The following RAMP1 variants were observed in gnomAD, a reference collection of about 807,000 sequenced individuals.
RAMP1 encodes receptor activity modifying protein 1.
In RAMP1, 7 loss-of-function variants were observed where a neutral mutation model predicts 8.2. The ratio of observed to expected loss-of-function variants is 0.85; its 90% confidence interval spans 0.49 to 1.60. The LOEUF (loss-of-function observed/expected upper bound fraction) is 1.60, where lower values mean the gene tolerates loss of function less well. Ranked by LOEUF, RAMP1 falls within the 40% of genes most tolerant of loss-of-function variation. The pLI is 0.00. For synonymous variants in RAMP1, 92 were observed against 84.7 expected (o/e 1.09, Z -0.47); for missense variants, 192 against 202.4 (o/e 0.95, Z 0.31).
intron 2 of RAMP1, 45 bp from the exon 3 acceptor site, chr2:237,911,483 T>TC: frequency 6.2e-7 from 1 of 1,603,058 alleles, no homozygotes; most frequent in Non-Finnish European, 8.5e-7. Flanking sequence ...CCGCGTTGGA[T>TC]CCCCCGCCTG....
intron 2 of RAMP1, among the ~76,000 whole-genome samples, chr2:237,880,990 C>T (rs2062363463): frequency 1.3e-5 from 2 of 152,202 alleles, no homozygotes; most frequent in South Asian, 2.1e-4. Context: ...TGTCCCTCCT[C>T]CTCCTGCCCC....
At chr2:237,907,824 A>G (rs2062668194) in intron 2 of RAMP1, among the ~76,000 whole-genome samples, 1 of 152,166 alleles carries the variant, frequency 6.6e-6, no homozygotes, top group South Asian at 2.1e-4. Flanking sequence ...CCTCTTGACA[A>G]TGGGTTGGTT....
intron 2 of RAMP1, among the ~76,000 whole-genome samples, chr2:237,886,841 A>C (rs1020839798): frequency 5.3e-5 from 8 of 152,224 alleles, no homozygotes; most frequent in Non-Finnish European, 1.5e-5. Context: ...CGGTGACGCT[A>C]ACCAGATCCC....
chr2:237,866,120 C>T (rs577592376), intron 1 of RAMP1, among the ~76,000 whole-genome samples: 1 of 152,202 alleles, frequency 6.6e-6, no homozygotes, highest in East Asian at 1.9e-4. Flanking sequence ...ACCACCGGCT[C>T]GAGAAACAGC....
intron 2 of RAMP1, among the ~76,000 whole-genome samples, chr2:237,893,628 C>G (rs1386722750): frequency 6.6e-6 from 1 of 152,164 alleles, no homozygotes; most frequent in Non-Finnish European, 1.5e-5. Context: ...AATACAAATT[C>G]TGCTTTTTAC....
At chr2:237,863,597 G>A (rs2062152134) in intron 1 of RAMP1, among the ~76,000 whole-genome samples, 1 of 152,138 alleles carries the variant, frequency 6.6e-6, no homozygotes, top group Non-Finnish European at 1.5e-5. Flanking sequence ...TTCCTAAGAT[G>A]GTTTATTTCA....
In RAMP1 at chr2:237,877,631, C is replaced by T. The variant is rs557288830; in HGVS notation, c.191+269C>T. Reference sequence around the variant, plus strand: ...GGCCATGTCCAGCCAGAGATGCCCGCGGCCTCTCCAAGGGCAGGCGCCTGG... The same window carrying T: ...GGCCATGTCCAGCCAGAGATGCCCGTGGCCTCTCCAAGGGCAGGCGCCTGG... On this transcript the variant is annotated intron_variant, in intron 2 of 2. Transcript: ENST00000254661. The surrounding 1 kb of genome is among the most constrained non-coding windows in gnomAD (Gnocchi z 4.4). Among the ~76,000 whole-genome samples, 77 of 152,280 alleles carry T rather than the reference C, an allele frequency of 5.1e-4. No individual in the cohort carries two copies. The highest frequency in any genetic ancestry group is 4.6e-3 in the Admixed American group (71 of 15,306).
chr2:237,909,985 C>T (rs1197859219), intron 2 of RAMP1, among the ~76,000 whole-genome samples: 1 of 152,120 alleles, frequency 6.6e-6, no homozygotes, highest in Non-Finnish European at 1.5e-5. Context: ...CACCCTCTGC[C>T]CGTGCCGCCC....
At chr2:237,858,886 T>C (rs938706626), upstream of RAMP1, 37 of 152,584 alleles carry the variant, frequency 2.4e-4, no homozygotes, top group African/African-American at 8.2e-4. The surrounding 1 kb of genome is among the most constrained non-coding windows in gnomAD (Gnocchi z 4.4). Context: ...CCCCATCAGT[T>C]TTCCATGCAG....
At chr2:237,904,571 G>A (rs1026760172) in intron 2 of RAMP1, among the ~76,000 whole-genome samples, 2 of 152,206 alleles carry the variant, frequency 1.3e-5, no homozygotes, top group African/African-American at 4.8e-5. Context: ...TCGTGCCACT[G>A]CACTCCAGCC....
In RAMP1 at chr2:237,877,632, G is replaced by A. The variant is rs957096428; in HGVS notation, c.191+270G>A. 3.3e-5 allele frequency among the ~76,000 whole-genome samples: 5 copies of A among 152,138 alleles called. No individual in the cohort carries two copies. Among genetic ancestry groups the A allele is most frequent in the Admixed American group, 1.3e-4 (2 of 15,280 alleles). ...GCCATGTCCAGCCAGAGATGCCCGC[G>A]GCCTCTCCAAGGGCAGGCGCCTGGG... On this transcript the variant is annotated intron_variant, in intron 2 of 2. Transcript: ENST00000254661. This position sits in a 1 kb window ranked among gnomAD's most constrained non-coding sequence, Gnocchi z 4.4.
chr2:237,879,777 G>A (rs1056480448), intron 2 of RAMP1, among the ~76,000 whole-genome samples: 1 of 148,916 alleles, frequency 6.7e-6, no homozygotes, highest in Admixed American at 6.7e-5. Flanking sequence ...ATCAACTGAG[G>A]TCAGGAGTTC....
chr2:237,875,466 G>A (rs2062293068), intron 1 of RAMP1, among the ~76,000 whole-genome samples: 2 of 151,954 alleles, frequency 1.3e-5, no homozygotes, highest in Admixed American at 1.3e-4. Context: ...CTCCAATGCT[G>A]GGCACTCATG....
intron 2 of RAMP1, among the ~76,000 whole-genome samples, chr2:237,881,363 C>G (rs2062366051): frequency 6.6e-6 from 1 of 152,232 alleles, no homozygotes; most frequent in Non-Finnish European, 1.5e-5. Flanking sequence ...CAGTATTTTC[C>G]CATTTCAGCA....
chr2:237,900,187 T>G (rs1395766199), intron 2 of RAMP1, among the ~76,000 whole-genome samples: 1 of 152,212 alleles, frequency 6.6e-6, no homozygotes, highest in Non-Finnish European at 1.5e-5. Context: ...TAGGACAGTG[T>G]CTGGCTCTGT....
At chr2:237,874,549 C>G in intron 1 of RAMP1, 1 of 532,030 alleles carries the variant, frequency 1.9e-6, no homozygotes, top group Non-Finnish European at 2.4e-6. Flanking sequence ...CACAGACATG[C>G]CTGTTCATCT....
intron 2 of RAMP1, among the ~76,000 whole-genome samples, chr2:237,903,939 A>G (rs1036431865): frequency 2.0e-5 from 3 of 152,092 alleles, no homozygotes; most frequent in East Asian, 1.9e-4. Flanking sequence ...AGGTCTCACT[A>G]TGTTTCCCAG....
At position 237,877,453 on chromosome 2, in the gene RAMP1, G is replaced by T; in HGVS notation, c.191+91G>T. The stretch of plus-strand genomic sequence containing the variant: ...AGTGGACCACGTGGGAGCTGTGGAA[G>T]ATCCTTTCTAGACCCCGGAAGGGTT... On this transcript the variant is annotated intron_variant, in intron 2 of 2. Coordinates refer to ENST00000254661, the MANE Select transcript of RAMP1 (RefSeq NM_005855.4). The surrounding 1 kb of genome is among the most constrained non-coding windows in gnomAD (Gnocchi z 4.4). 2 of 1,508,390 alleles carry T rather than the reference G, an allele frequency of 1.3e-6. No homozygotes were observed. Among genetic ancestry groups the T allele is most frequent in the African/African-American group, 1.4e-5 (1 of 72,428 alleles). The allele number at this position is 1,508,390 out of a possible 1,614,324, so 93.4% of individuals were successfully genotyped here.
Position 237,885,191 on chromosome 2 carries a change from A to C in RAMP1, c.191+7829A>C, listed in dbSNP as rs1042249171. On this transcript the variant is annotated intron_variant, in intron 2 of 2. Coordinates refer to ENST00000254661, the MANE Select transcript of RAMP1 (RefSeq NM_005855.4). ...ATGGGAACAGCTGCTTGTATTTTGAATTTCAGCAGGAACTGAGAGGGAGGC... is the reference window on the plus strand; with the variant it reads ...ATGGGAACAGCTGCTTGTATTTTGACTTTCAGCAGGAACTGAGAGGGAGGC... 3.3e-5 allele frequency among the ~76,000 whole-genome samples: 5 copies of C among 152,178 alleles called. No individual in the cohort carries two copies. The South Asian group carries it at 6.2e-4, about 19-fold the overall frequency.
Sources: allele counts gnomAD v4.1 joint callset (sites outside exome capture counted in the v4.1 genomes callset), GRCh38; gene constraint gnomAD v4.1.1; non-coding constraint Gnocchi (gnomAD v3.1); transcripts MANE v1.5; gene names NCBI Gene and HGNC (gene_info 2026-07-23, HGNC 2026-07-21).